CYP2C19: variants seen among roughly 807,000 people sequenced by gnomAD.
CYP2C19 encodes cytochrome P450 2C19.
A neutral mutation model predicts 40.9 loss-of-function variants in CYP2C19; 59 were observed. That is an observed-to-expected ratio of 1.44 (90% CI 1.17 to 1.79). The LOEUF (loss-of-function observed/expected upper bound fraction) is 1.79, where lower values mean the gene tolerates loss of function less well. Among genes scored for constraint, CYP2C19 ranks in the 40% most tolerant of loss-of-function variants. CYP2C19 has a pLI of 0.00. For synonymous variants in CYP2C19, 253 were observed against 208.7 expected (o/e 1.21, Z -1.83); for missense variants, 754 against 596.9 (o/e 1.26, Z -2.74).
At chr10:94,776,201 G>C (rs17880980) in intron 3 of CYP2C19, 1 of 152,110 alleles carries the variant, frequency 6.6e-6, no homozygotes, top group Non-Finnish European at 1.5e-5. Flanking sequence ...CATATGCTAT[G>C]ACATAATTCT....
intron 3 of CYP2C19, among the ~76,000 whole-genome samples, chr10:94,779,384 T>C (rs1309133964): frequency 6.6e-6 from 1 of 152,132 alleles, no homozygotes; most frequent in Non-Finnish European, 1.5e-5. Flanking sequence ...ATTTAATTTA[T>C]TTAGCTATTA....
intron 5 of CYP2C19, among the ~76,000 whole-genome samples, chr10:94,787,657 C>A (rs1181866665): frequency 6.6e-6 from 1 of 151,942 alleles, no homozygotes; most frequent in Admixed American, 6.6e-5. Context: ...TAATCCATTT[C>A]GAGTTAATTT....
chr10:94,781,926 G>T lies in CYP2C19; in HGVS notation c.748G>T (p.Glu250Ter). The change falls in exon 5 of 9, where the codon GAA becomes TAA. Residue 250 changes from glutamate to a stop codon, truncating the protein, a stop_gained. Transcript: ENST00000371321. LOFTEE classifies it high-confidence loss of function. ...AAGTGATATTTTGGAGAAAGTAAAA[G>T]AACACCAAGAATCGATGGACATCAA... is the stretch of plus-strand genomic sequence containing the variant. ...MESDILEKVK[E>*]HQESMDINNP... The T allele has an allele frequency of 1.3e-6, 2 of 1,505,162 alleles. No individual in the cohort carries two copies. The highest frequency in any genetic ancestry group is 1.8e-6 in the Non-Finnish European group (2 of 1,138,482). The allele number at this position is 1,505,162 out of a possible 1,614,324, so 93.2% of individuals were successfully genotyped here.
chr10:94,844,798 T>G (rs1324844869), intron 7 of CYP2C19, among the ~76,000 whole-genome samples: 1 of 152,092 alleles, frequency 6.6e-6, no homozygotes. Flanking sequence ...AAAATTAGGG[T>G]CTGAGGGTAA....
chr10:94,834,549 CT>C (rs765697067), intron 6 of CYP2C19, among the ~76,000 whole-genome samples: 1 of 148,306 alleles, frequency 6.7e-6, no homozygotes, highest in Non-Finnish European at 1.5e-5. Flanking sequence ...GGTTTTCTTT[CT>C]TTTTTCTTTT....
chr10:94,816,590 T>A (rs79138765), intron 5 of CYP2C19, among the ~76,000 whole-genome samples: 11 of 151,874 alleles, frequency 7.2e-5, no homozygotes, highest in Admixed American at 1.3e-4. Context: ...TTTTTTTTTT[T>A]ATTATACTTT....
intron 4 of CYP2C19, among the ~76,000 whole-genome samples, chr10:94,781,000 A>T (rs1382364552): frequency 6.6e-6 from 1 of 152,048 alleles, no homozygotes; most frequent in Non-Finnish European, 1.5e-5. Context: ...GTCTTCCATT[A>T]CTCACAAGGC....
rs757947117 is a variant in CYP2C19 at position 94,852,774 on chromosome 10, C to A, written c.1333C>A (p.Leu445Met). 4 of 1,613,954 alleles carry A rather than the reference C, an allele frequency of 2.5e-6. No homozygotes were observed. In the African/African-American group the frequency reaches 4.0e-5, roughly 16 times the overall value. ...CVGEGLARME[L>M]FLFLTFILQN... ...GGGAGAGGGCCTGGCCCGCATGGAGCTGTTTTTATTCCTGACCTTCATTTT... is the reference window on the plus strand; with the variant it reads ...GGGAGAGGGCCTGGCCCGCATGGAGATGTTTTTATTCCTGACCTTCATTTT... Residue 445 changes from leucine to methionine, a missense_variant, in exon 9 of 9, where the codon CTG (leucine) becomes ATG (methionine). Transcript: ENST00000371321.
intron 6 of CYP2C19, among the ~76,000 whole-genome samples, chr10:94,832,716 T>C (rs977451206): frequency 1.3e-5 from 2 of 152,210 alleles, no homozygotes; most frequent in African/African-American, 4.8e-5. Context: ...GTTTTGTTTT[T>C]TTTGCTTATG....
chr10:94,796,628 C>T (rs901701730), intron 5 of CYP2C19, among the ~76,000 whole-genome samples: 6 of 152,122 alleles, frequency 3.9e-5, no homozygotes, highest in East Asian at 1.9e-4. Context: ...TATCCATGAG[C>T]ATGGAATGTT....
intron 5 of CYP2C19, among the ~76,000 whole-genome samples, chr10:94,793,556 G>T (rs954672030): frequency 1.3e-5 from 2 of 152,154 alleles, no homozygotes; most frequent in African/African-American, 4.8e-5. Flanking sequence ...TTTCCTTTCT[G>T]TTTGTTAGTT....
At chr10:94,809,637 C>G (rs1314405876) in intron 5 of CYP2C19, among the ~76,000 whole-genome samples, 1 of 151,838 alleles carries the variant, frequency 6.6e-6, no homozygotes, top group Non-Finnish European at 1.5e-5. Flanking sequence ...GCATCCTTGT[C>G]TTGTGCCAGT....
chr10:94,775,294 T>C, intron 2 of CYP2C19, 74 bp downstream of exon 2: 1 of 1,612,656 alleles, frequency 6.2e-7, no homozygotes, highest in Non-Finnish European at 8.5e-7. Context: ...GCAGAGCTTC[T>C]CGGGCAGAGC....
At chr10:94,828,473 C>G (rs904533004) in intron 6 of CYP2C19, among the ~76,000 whole-genome samples, 3 of 145,676 alleles carry the variant, frequency 2.1e-5, no homozygotes, top group East Asian at 2.0e-4. Flanking sequence ...TTATCAGAGA[C>G]TAGGATTGCA....
chr10:94,781,924 A>G lies in CYP2C19; in HGVS notation c.746A>G (p.Lys249Arg). 1 of 1,505,210 alleles carries G rather than the reference A, an allele frequency of 6.6e-7. No individual in the cohort carries two copies. The highest frequency in any genetic ancestry group is 8.8e-7 in the Non-Finnish European group (1 of 1,138,562). 93.2% of individuals were successfully genotyped at this position (1,505,210 alleles called of 1,614,324 possible). Residue 249 changes from lysine to arginine, a missense_variant, in exon 5 of 9, where the codon AAA becomes AGA. Coordinates refer to ENST00000371321, the MANE Select transcript of CYP2C19 (RefSeq NM_000769.4). ...GAAAGTGATATTTTGGAGAAAGTAA[A>G]AGAACACCAAGAATCGATGGACATC... ...FMESDILEKV[K>R]EHQESMDINN...
At chr10:94,823,549 G>A (rs1040146516) in intron 6 of CYP2C19, among the ~76,000 whole-genome samples, 11 of 152,104 alleles carry the variant, frequency 7.2e-5, no homozygotes, top group African/African-American at 2.7e-4. Context: ...TATCTTCAAT[G>A]TCTAACAGAG....
At chr10:94,813,223 G>A (rs1848952450) in intron 5 of CYP2C19, among the ~76,000 whole-genome samples, 1 of 152,130 alleles carries the variant, frequency 6.6e-6, no homozygotes, top group Admixed American at 6.5e-5. Context: ...AGATTGCTGT[G>A]TGTTTATTCC....
At chr10:94,840,898 C>T (rs12775283) in intron 6 of CYP2C19, among the ~76,000 whole-genome samples, 26,325 of 152,136 alleles carry the variant, frequency 0.17, 2,519 homozygotes, top group South Asian at 0.33. Flanking sequence ...TTTAACTGGC[C>T]GACAGGTGCC....
intron 5 of CYP2C19, among the ~76,000 whole-genome samples, chr10:94,785,512 T>C (rs1017030528): frequency 1.3e-5 from 2 of 152,132 alleles, no homozygotes; most frequent in African/African-American, 2.4e-5. Flanking sequence ...TTTTATTCCA[T>C]TGGTCTTGAT....
Sources: gnomAD v4.1 joint callset for allele counts (sites outside exome capture counted in the v4.1 genomes callset) on GRCh38, gnomAD v4.1.1 for gene constraint, MANE v1.5 for transcripts, NCBI Gene and HGNC (gene_info 2026-07-23, HGNC 2026-07-21) for gene names.